The following KCNU1 variants were observed in gnomAD, a reference collection of about 807,000 sequenced individuals.
KCNU1 encodes potassium channel subfamily U member 1.
A neutral mutation model predicts 126.8 loss-of-function variants in KCNU1; 93 were observed. That is an observed-to-expected ratio of 0.73 (90% CI 0.62 to 0.87). KCNU1 has a LOEUF of 0.87. Ranked by LOEUF, KCNU1 falls within the 40% of genes least tolerant of loss-of-function variation. KCNU1 has a pLI of 0.00. For synonymous variants in KCNU1, 523 were observed against 494.2 expected (o/e 1.06, Z -0.77); for missense variants, 1,330 against 1,367.1 (o/e 0.97, Z 0.43).
chr8:36,863,846 A>G (rs187352981), intron 18 of KCNU1, among the ~76,000 whole-genome samples: 21 of 152,282 alleles, frequency 1.4e-4, no homozygotes, highest in Admixed American at 1.2e-3. Flanking sequence ...GTATCCCCAT[A>G]CTGAAGGAGA....
intron 14 of KCNU1, 119 bp from the exon 15 acceptor site, chr8:36,840,344 C>A: frequency 3.3e-6 from 2 of 602,470 alleles, no homozygotes; most frequent in Non-Finnish European, 6.0e-6. Flanking sequence ...AGATAAATCT[C>A]TTTTTTATGA....
chr8:36,876,565 G>C (rs944260315), intron 19 of KCNU1, among the ~76,000 whole-genome samples: 1 of 152,066 alleles, frequency 6.6e-6, no homozygotes, highest in Non-Finnish European at 1.5e-5. Flanking sequence ...GGTAGGGCAG[G>C]GTAGGCATTC....
intron 9 of KCNU1, 52 bp downstream of exon 9, chr8:36,815,739 A>G: frequency 9.6e-7 from 1 of 1,045,728 alleles, no homozygotes. Context: ...TCTATTAGCC[A>G]TATATCTCGT....
rs115657389 is a variant in KCNU1, at chr8:36,922,620, G to A, written c.2727G>A (p.Leu909=). 1.3e-5 allele frequency: 21 copies of A among 1,612,850 alleles called. 1 individual carries two copies. Among genetic ancestry groups the A allele is most frequent in the Middle Eastern group, 3.3e-4 (2 of 6,012 alleles). The part of the protein sequence containing the change: ...TVFSGSFLDS[L]LATAFYNYHV... The stretch of plus-strand genomic sequence containing the variant: ...TTTCCGGCAGCTTCTTGGATTCTCT[G>A]CTGGCCACGGTAAGAAAAGCTAAGC... The change falls in exon 24 of 27, where the codon CTG becomes CTA. Residue 909 remains leucine, a synonymous_variant. Coordinates refer to ENST00000399881, the MANE Select transcript of KCNU1 (RefSeq NM_001031836.3).
intron 13 of KCNU1, 109 bp downstream of exon 13, chr8:36,836,474 G>A: frequency 1.4e-6 from 1 of 736,304 alleles, no homozygotes. Flanking sequence ...CTAATCATAG[G>A]TAAAATTTGG....
At chr8:36,871,560 A>G (rs1456186655) in intron 19 of KCNU1, among the ~76,000 whole-genome samples, 1 of 152,224 alleles carries the variant, frequency 6.6e-6, no homozygotes, top group African/African-American at 2.4e-5. Context: ...TGTACCATAG[A>G]AAAGTCAGCA....
Position 36,935,621 on chromosome 8 carries a change from T to C in KCNU1, c.3151T>C (p.Ser1051Pro). The C allele has an allele frequency of 6.2e-7, 1 of 1,613,416 alleles. No homozygotes were observed. The highest frequency in any genetic ancestry group is 8.5e-7 in the Non-Finnish European group (1 of 1,179,482). ...TACYKRNEEFSLQKSYEIVNK... is the reference protein window; with the variant it reads ...TACYKRNEEFPLQKSYEIVNK... ...TTGTTATAAAAGGAATGAAGAGTTC[T>C]CATTGCAAAAGTCATATGAAATTGT... is the stretch of plus-strand genomic sequence containing the variant. Residue 1051 changes from serine to proline, a missense_variant, in exon 27 of 27, where the codon TCA becomes CCA. By Grantham distance (74) the Ser-to-Pro change is moderately conservative. This residue lies in a region of KCNU1 where 1,054 missense variants were observed against 1,053.9 expected (regional missense o/e 1.00). Coordinates refer to ENST00000399881, the MANE Select transcript of KCNU1 (RefSeq NM_001031836.3).
At chr8:36,804,341 G>A (rs770412722) in intron 3 of KCNU1, among the ~76,000 whole-genome samples, 11 of 152,188 alleles carry the variant, frequency 7.2e-5, no homozygotes, top group Middle Eastern at 3.4e-3. Context: ...ACCCCCACCC[G>A]AGATTTACTC....
chr8:36,814,095 G>A, intron 7 of KCNU1, 112 bp from the exon 8 acceptor site: 1 of 739,024 alleles, frequency 1.4e-6, no homozygotes, highest in Non-Finnish European at 2.2e-6. Flanking sequence ...AAGCCATTTG[G>A]TATTTCATTT....
chr8:36,835,627 A>G (rs528822091), intron 12 of KCNU1, among the ~76,000 whole-genome samples: 37 of 152,294 alleles, frequency 2.4e-4, no homozygotes, highest in Middle Eastern at 3.4e-3. Context: ...AGGCTGGGCC[A>G]CTGCGCCTGG....
chr8:36,920,162 T>C (rs1446002210), intron 23 of KCNU1, among the ~76,000 whole-genome samples: 1 of 152,154 alleles, frequency 6.6e-6, no homozygotes, highest in Non-Finnish European at 1.5e-5. Flanking sequence ...TCTCTGTATC[T>C]GTGAGGCATT....
chr8:36,897,923 C>A (rs1807262083), intron 19 of KCNU1, among the ~76,000 whole-genome samples: 1 of 152,114 alleles, frequency 6.6e-6, no homozygotes, highest in Non-Finnish European at 1.5e-5. Context: ...TCCCAAATGG[C>A]CTCCATCTCC....
intron 7 of KCNU1, 150 bp downstream of exon 7, chr8:36,808,943 A>G (rs1803607030): frequency 3.3e-6 from 2 of 610,952 alleles, no homozygotes; most frequent in Non-Finnish European, 5.8e-6. Flanking sequence ...GGTTTTCTTT[A>G]CCCTCATATT....
chr8:36,909,298 TC>T lies in KCNU1; in HGVS notation c.2107-11del. 6.4e-7 allele frequency: 1 copy of T among 1,569,606 alleles called. No homozygotes were observed. Among genetic ancestry groups the T allele is most frequent in the Non-Finnish European group, 8.8e-7 (1 of 1,139,700 alleles). On this transcript the variant is annotated splice_polypyrimidine_tract_variant and intron_variant, in intron 20 of 26. Coordinates refer to ENST00000399881, the MANE Select transcript of KCNU1 (RefSeq NM_001031836.3). ...TTATGAAAATGACCAGACTGTGGCA[TC>T]CTTATCCTTAGAAACGAACTGGCAA...
At chr8:36,861,206 C>T (rs1168113311) in intron 18 of KCNU1, among the ~76,000 whole-genome samples, 2 of 152,176 alleles carry the variant, frequency 1.3e-5, no homozygotes, top group Non-Finnish European at 2.9e-5. Context: ...AAAAGAAAAG[C>T]AACTTGGTAA....
chr8:36,799,416 G>A (rs749812032), intron 2 of KCNU1, among the ~76,000 whole-genome samples: 12 of 150,694 alleles, frequency 8.0e-5, no homozygotes, highest in Middle Eastern at 3.4e-3. Flanking sequence ...TCAGTTCAGG[G>A]AATCATCTTT....
chr8:36,836,227 A>C (rs1804741397), intron 12 of KCNU1, 69 bp from the exon 13 acceptor site: 1 of 979,312 alleles, frequency 1.0e-6, no homozygotes, highest in Non-Finnish European at 1.6e-6. Context: ...TTTAACTCTG[A>C]ATTAAATTAT....
intron 19 of KCNU1, among the ~76,000 whole-genome samples, chr8:36,869,025 A>G (rs1439525047): frequency 6.6e-6 from 1 of 152,104 alleles, no homozygotes; most frequent in Non-Finnish European, 1.5e-5. Flanking sequence ...ATTATTTACT[A>G]TTCTCTGCTT....
At chr8:36,788,386 A>G (rs1802787259) in intron 2 of KCNU1, among the ~76,000 whole-genome samples, 1 of 152,234 alleles carries the variant, frequency 6.6e-6, no homozygotes, top group Admixed American at 6.5e-5. Context: ...GAAATAGCAG[A>G]TGCCCTATAA....
Sources: allele counts gnomAD v4.1 joint callset (sites outside exome capture counted in the v4.1 genomes callset), GRCh38; gene constraint gnomAD v4.1.1; regional missense constraint gnomAD v4.1.1; transcripts MANE v1.5; gene names NCBI Gene and HGNC (gene_info 2026-07-23, HGNC 2026-07-21).